GGA3: variants seen among roughly 807,000 people sequenced by gnomAD.
The protein encoded by GGA3 is golgi associated, gamma adaptin ear containing, ARF binding protein 3, also known as ADP-ribosylation factor-binding protein GGA3.
A neutral mutation model predicts 77.5 loss-of-function variants in GGA3; 57 were observed. The ratio of observed to expected loss-of-function variants is 0.74; its 90% CI spans 0.59 to 0.92. GGA3 has a LOEUF of 0.92. Among genes scored for constraint, GGA3 ranks in the 40% least tolerant of loss-of-function variants. The pLI is 0.00. For synonymous variants in GGA3, 416 were observed against 383.7 expected, an observed-to-expected ratio of 1.08 and a Z score of -0.98; for missense variants, 970 against 914.9, an observed-to-expected ratio of 1.06 and a Z score of -0.78.
Position 75,245,554 on chromosome 17 carries a change from T to A in GGA3, c.202-837A>T, listed in dbSNP as rs184453407. 7.9e-5 allele frequency among the ~76,000 whole-genome samples: 12 copies of A among 152,186 alleles called. No homozygotes were observed. The East Asian group carries it at 2.3e-3, about 29-fold the overall frequency. On this transcript the variant is annotated intron_variant, in intron 3 of 16. Transcript: ENST00000537686. ...TTTTTTTGTTTTTTGACACAGAATC[T>A]CGCTATGTTGGTCAGGCTAGAGTGC... is the stretch of plus-strand genomic sequence containing the variant.
chr17:75,241,417 G>A lies in GGA3; in HGVS notation c.929C>T (p.Thr310Ile). ...QVINGEVATL[T>I]LPDSEGNSQC... ...CATCTCACCTTCCGAGTCAGGCAGG[G>A]TTAAGGTAGCCACCTCGCCATTGAT... The change falls in exon 10 of 17, where the codon ACC (threonine) becomes ATC (isoleucine). Residue 310 changes from threonine (T) to isoleucine (I), a missense_variant. Coordinates refer to ENST00000537686, the MANE Select transcript of GGA3 (RefSeq NM_138619.4). The A allele has an allele frequency of 6.2e-7, 1 of 1,609,978 alleles. No individual in the cohort carries two copies. Among genetic ancestry groups the A allele is most frequent in the Non-Finnish European group, 8.5e-7 (1 of 1,176,400 alleles).
At chr17:75,244,075 T>A (rs565244443) in intron 4 of GGA3, among the ~76,000 whole-genome samples, 1 of 152,136 alleles carries the variant, frequency 6.6e-6, no homozygotes. Flanking sequence ...GTTGGGTGGA[T>A]ATTTTGAGTT....
In GGA3 at chr17:75,246,515, G is replaced by A; in HGVS notation, c.195C>T (p.Ala65=). 6.2e-7 allele frequency: 1 copy of A among 1,606,956 alleles called. No individual in the cohort carries two copies. Among genetic ancestry groups the A allele is most frequent in the East Asian group, 2.2e-5 (1 of 44,856 alleles). Residue 65 remains alanine (A), a synonymous_variant, in exon 3 of 17, where the codon GCC becomes GCT. Coordinates refer to ENST00000537686, the MANE Select transcript of GGA3 (RefSeq NM_138619.4). Reference sequence around the variant, plus strand: ...CGGAGAGTGAAGGACCTACCGTCAGGGCCTGGAGCGCCTCCCATTCCTGTG... The same window carrying A: ...CGGAGAGTGAAGGACCTACCGTCAGAGCCTGGAGCGCCTCCCATTCCTGTG... ...QSPQEWEALQ[A]LTVLEACMKN...
Position 75,242,904 on chromosome 17 carries a change from G to A in GGA3, c.536C>T (p.Ala179Val). Residue 179 changes from alanine to valine, a missense_variant, in exon 7 of 17, where the codon GCC (alanine) becomes GTC (valine). By Grantham distance (64) the Ala-to-Val change is moderately conservative. Transcript: ENST00000537686. The part of the protein sequence containing the change: ...FDDEEKSKLL[A>V]KLLKSKNPDD... ...TGGGTTTTTGCTTTTCAGCAGCTTG[G>A]CTAAAAGCTGAGAGAGGAGGAAATC... 6.2e-7 allele frequency: 1 copy of A among 1,612,692 alleles called. No homozygotes were observed. Among genetic ancestry groups the A allele is most frequent in the East Asian group, 2.2e-5 (1 of 44,868 alleles).
At position 75,238,190 on chromosome 17, in the gene GGA3, C is replaced by T; in HGVS notation, c.*89G>A. On this transcript the variant is annotated 3_prime_UTR_variant, in exon 17 of 17. Coordinates refer to ENST00000537686, the MANE Select transcript of GGA3 (RefSeq NM_138619.4). ...ACATCAAAGCTACAAGCACTGTTGT[C>T]AGGGCATGGAGAGTGACGGGACCAG... The T allele has an allele frequency of 6.5e-7, 1 of 1,538,724 alleles. No individual in the cohort carries two copies. Among genetic ancestry groups the T allele is most frequent in the Non-Finnish European group, 8.8e-7 (1 of 1,142,274 alleles).
chr17:75,242,601 GGGGC>G (rs2076599726), intron 7 of GGA3, 128 bp from the exon 8 acceptor site: 1 of 1,109,870 alleles, frequency 9.0e-7, no homozygotes, highest in Admixed American at 1.9e-5. Flanking sequence ...TGGGGTGCCT[GGGGC>G]CCAGTCTATA....
intron 3 of GGA3, among the ~76,000 whole-genome samples, chr17:75,246,284 G>A (rs2076753924): frequency 2.0e-5 from 3 of 152,216 alleles, no homozygotes; most frequent in Admixed American, 2.0e-4. Context: ...ATGTGGCCAT[G>A]CTGGCAGGGA....
Position 75,258,929 on chromosome 17 carries a change from G to A in GGA3, c.40+2619C>T, listed in dbSNP as rs144876408. 2.8e-3 allele frequency among the ~76,000 whole-genome samples: 416 copies of A among 150,648 alleles called. 3 individuals carry two copies. Among genetic ancestry groups the A allele is most frequent in the Non-Finnish European group, 4.7e-3 (321 of 67,808 alleles). On this transcript the variant is annotated intron_variant, in intron 1 of 16. Transcript: ENST00000537686. ...TCCCCAGTTCCCTAAAGAGAATGCC[G>A]GCGTTTTAGCACTGCCTTGTATCTT...
Position 75,238,761 on chromosome 17 carries a change from G to A in GGA3, c.1952C>T (p.Ser651Leu). 2 of 1,610,542 alleles carry A rather than the reference G, an allele frequency of 1.2e-6. No homozygotes were observed. Among genetic ancestry groups the A allele is most frequent in the Non-Finnish European group, 1.7e-6 (2 of 1,177,304 alleles). The change falls in exon 16 of 17, where the codon TCA becomes TTA. Residue 651 changes from serine (S) to leucine (L), a missense_variant and splice_region_variant. Transcript: ENST00000537686. ...SIVLQAAVPK[S>L]MKVKLQPPSG... Reference sequence around the variant, plus strand: ...AGGTGGCTGCAACTTCACTTTCATTGACTAAAGAGAGAGAAACTCCTTTGA... The same window carrying A: ...AGGTGGCTGCAACTTCACTTTCATTAACTAAAGAGAGAGAAACTCCTTTGA...
intron 1 of GGA3, among the ~76,000 whole-genome samples, chr17:75,248,586 A>C (rs1015242868): frequency 2.0e-5 from 3 of 151,434 alleles, no homozygotes; most frequent in African/African-American, 7.3e-5. Context: ...CAGGAGTTCA[A>C]GACCAGCCTG....
At chr17:75,247,489 C>T (rs138947565) in intron 1 of GGA3, among the ~76,000 whole-genome samples, 19,336 of 152,044 alleles carry the variant, frequency 0.13, 1,485 homozygotes, top group Middle Eastern at 0.25. Flanking sequence ...CTCAAACTCC[C>T]GACCTCAGGT....
rs574712474 is a variant in GGA3, at chr17:75,239,632, C to A, written c.1584-61G>T. On this transcript the variant is annotated intron_variant, in intron 13 of 16. Transcript: ENST00000537686. ...GCCAGCCAGAGCTGCAGGACTCTCACCCAAGGCCCCTGACCATGCTCTTAC... is the reference window on the plus strand; with the variant it reads ...GCCAGCCAGAGCTGCAGGACTCTCAACCAAGGCCCCTGACCATGCTCTTAC... The A allele has an allele frequency of 1.9e-5, 28 of 1,467,200 alleles. No homozygotes were observed. The East Asian group carries it at 6.6e-4, about 34-fold the overall frequency. 90.9% of individuals were successfully genotyped at this position (1,467,200 alleles called of 1,614,324 possible).
At position 75,242,895 on chromosome 17, in the gene GGA3, A is replaced by G; in HGVS notation, c.545T>C (p.Leu182Pro). The part of the protein sequence containing the change: ...EEKSKLLAKL[L>P]KSKNPDDLQE... ...CAGGTCATCTGGGTTTTTGCTTTTCAGCAGCTTGGCTAAAAGCTGAGAGAG... is the reference window on the plus strand; with the variant it reads ...CAGGTCATCTGGGTTTTTGCTTTTCGGCAGCTTGGCTAAAAGCTGAGAGAG... Residue 182 changes from leucine (L) to proline (P), a missense_variant, in exon 7 of 17, where the codon CTG becomes CCG. Leu to Pro is a moderately conservative substitution (Grantham distance 98). Coordinates refer to ENST00000537686, the MANE Select transcript of GGA3 (RefSeq NM_138619.4). The G allele has an allele frequency of 1.2e-6, 2 of 1,613,674 alleles. No homozygotes were observed. The highest frequency in any genetic ancestry group is 1.7e-6 in the Non-Finnish European group (2 of 1,179,570).
chr17:75,252,644 A>G lies in GGA3; in HGVS notation c.41-5848T>C, dbSNP rs528375216. Among the ~76,000 whole-genome samples the G allele has an allele frequency of 2.0e-5, 3 of 152,170 alleles. No homozygotes were observed. The South Asian group carries it at 6.2e-4, about 31-fold the overall frequency. ...ATTGTCAGGCCTCTGAGCCCAAGCC[A>G]AGCCATGGCATCCCCTATGACTTGC... On this transcript the variant is annotated intron_variant, in intron 1 of 16. Transcript: ENST00000537686.
rs780431844 is a variant in GGA3 at position 75,241,629 on chromosome 17, T to C, written c.815A>G (p.Asn272Ser). ...CTTTCACTCACCCAAACTGTTATCATTGTCCTCAGTCTCACTGGCGAGTTT... is the reference window on the plus strand; with the variant it reads ...CTTTCACTCACCCAAACTGTTATCACTGTCCTCAGTCTCACTGGCGAGTTT... ...LFKLASETED[N>S]DNSLGDILQA... Residue 272 changes from asparagine (N) to serine (S), a missense_variant, in exon 9 of 17, where the codon AAT becomes AGT. Asn to Ser is a conservative substitution (Grantham distance 46). Coordinates refer to ENST00000537686, the MANE Select transcript of GGA3 (RefSeq NM_138619.4). 6 of 1,614,064 alleles carry C rather than the reference T, an allele frequency of 3.7e-6. No homozygotes were observed.
chr17:75,241,369 G>A (rs2076548845), intron 10 of GGA3, 31 bp downstream of exon 10: 1 of 1,378,250 alleles, frequency 7.3e-7, no homozygotes, highest in Non-Finnish European at 1.0e-6. Context: ...TGGTCTGGAG[G>A]AGCCTAGAGT....
At chr17:75,251,851 T>C (rs902364263) in intron 1 of GGA3, among the ~76,000 whole-genome samples, 1 of 151,802 alleles carries the variant, frequency 6.6e-6, no homozygotes, top group Non-Finnish European at 1.5e-5. Flanking sequence ...GGCTTCACTG[T>C]AGCCTCAACT....
chr17:75,238,967 T>C lies in GGA3; in HGVS notation c.1897A>G (p.Asn633Asp). 6.2e-7 allele frequency: 1 copy of C among 1,614,108 alleles called. No individual in the cohort carries two copies. Among genetic ancestry groups the C allele is most frequent in the South Asian group, 1.1e-5 (1 of 91,078 alleles). ...DVLVVVVSML[N>D]TAPLPVKSIV... ...CTCTTGACAGGTAAGGGAGCCGTGT[T>C]CAGCATGGACACCACCACCACCAGC... The change falls in exon 15 of 17, where the codon AAC becomes GAC. Residue 633 changes from asparagine (N) to aspartate (D), a missense_variant. Asn to Asp is a conservative substitution (Grantham distance 23). Coordinates refer to ENST00000537686, the MANE Select transcript of GGA3 (RefSeq NM_138619.4).
Position 75,240,105 on chromosome 17 carries a change from C to G in GGA3, c.1267G>C (p.Glu423Gln). The G allele has an allele frequency of 1.9e-6, 3 of 1,544,604 alleles. No homozygotes were observed. The highest frequency in any genetic ancestry group is 4.9e-5 in the East Asian group (2 of 40,990). The change falls in exon 13 of 17, where the codon GAA (glutamate) becomes CAA (glutamine). Residue 423 changes from glutamate (E) to glutamine (Q), a missense_variant. Physicochemically the swap from Glu to Gln is conservative, Grantham distance 29 (BLOSUM62 2). Transcript: ENST00000537686. ...GNSQWHLLQR[E>Q]QSDLDFFSPR... is the part of the protein sequence containing the mutation. Reference sequence around the variant, plus strand: ...CTGAAGAAGTCCAGGTCGGACTGTTCCCTCTATGAACAACAGAAAGGGTGG... The same window carrying G: ...CTGAAGAAGTCCAGGTCGGACTGTTGCCTCTATGAACAACAGAAAGGGTGG...
Sources: gnomAD v4.1 joint callset for allele counts (sites outside exome capture counted in the v4.1 genomes callset) on GRCh38, gnomAD v4.1.1 for gene constraint, MANE v1.5 for transcripts, NCBI Gene and HGNC (gene_info 2026-07-23, HGNC 2026-07-21) for gene names.